MED13L: variants seen among roughly 807,000 people sequenced by gnomAD.
The protein encoded by MED13L is mediator complex subunit 13L.
In MED13L, 7 loss-of-function variants were observed where a neutral mutation model predicts 220.9. The ratio of observed to expected loss-of-function variants is 0.03; its 90% CI spans 0.02 to 0.06. The LOEUF (loss-of-function observed/expected upper bound fraction) is 0.06, where lower values mean the gene tolerates loss of function less well. Ranked by LOEUF, MED13L falls within the 10% of genes least tolerant of loss-of-function variation. The pLI is 1.00. For synonymous variants in MED13L, 1,011 were observed against 1,015.2 expected (o/e 1.00, Z 0.08); for missense variants, 1,965 against 2,760.5 (o/e 0.71, Z 6.46).
intron 2 of MED13L, among the ~76,000 whole-genome samples, chr12:116,149,252 A>AT (rs1877837551): frequency 6.6e-6 from 1 of 152,052 alleles, no homozygotes; most frequent in Non-Finnish European, 1.5e-5. Context: ...AACTTCTCAT[A>AT]TTTTGTCATG....
At chr12:116,135,059 C>T (rs1186541883) in intron 2 of MED13L, among the ~76,000 whole-genome samples, 2 of 152,146 alleles carry the variant, frequency 1.3e-5, no homozygotes, top group Admixed American at 6.5e-5. Context: ...GCCCCAGCTA[C>T]TAGGGAGGCT....
intron 2 of MED13L, among the ~76,000 whole-genome samples, chr12:116,137,824 G>C (rs1408501908): frequency 1.4e-5 from 2 of 145,238 alleles, no homozygotes; most frequent in East Asian, 4.0e-4. Flanking sequence ...ATAAATGCTT[G>C]TTACTTTTAT....
chr12:116,260,427 C>T (rs531654709), intron 1 of MED13L, among the ~76,000 whole-genome samples: 2 of 152,050 alleles, frequency 1.3e-5, no homozygotes, highest in African/African-American at 2.4e-5. Context: ...CTCCTGAACA[C>T]GAGGAACCCA....
At chr12:116,242,824 T>C (rs555660006) in intron 1 of MED13L, among the ~76,000 whole-genome samples, 4 of 152,204 alleles carry the variant, frequency 2.6e-5, no homozygotes, top group Non-Finnish European at 4.4e-5. Flanking sequence ...AGATTTAAGC[T>C]GTAACTGAAT....
intron 1 of MED13L, among the ~76,000 whole-genome samples, chr12:116,239,292 T>C (rs1013015261): frequency 6.6e-6 from 1 of 152,194 alleles, no homozygotes; most frequent in African/African-American, 2.4e-5. Context: ...ACTGGCATCA[T>C]TTAGGGTTTC....
At chr12:116,261,270 CG>C (rs1872493813) in intron 1 of MED13L, among the ~76,000 whole-genome samples, 1 of 152,048 alleles carries the variant, frequency 6.6e-6, no homozygotes, top group East Asian at 1.9e-4. Context: ...CCAAGGCAAG[CG>C]GATCACTTCA....
At chr12:116,032,875 TGACA>T (rs1313292523) in intron 4 of MED13L, among the ~76,000 whole-genome samples, 1 of 150,852 alleles carries the variant, frequency 6.6e-6, no homozygotes, top group Non-Finnish European at 1.5e-5. Flanking sequence ...AGGCTGAGAG[TGACA>T]GGAAGGAGGA....
intron 3 of MED13L, among the ~76,000 whole-genome samples, chr12:116,103,511 T>C (rs1319133380): frequency 6.6e-6 from 1 of 151,564 alleles, no homozygotes. Context: ...GGTCTCAAAC[T>C]CCTGGCCTCA....
chr12:115,987,101 G>C lies in MED13L; in HGVS notation c.4114+8C>G, dbSNP rs370491568. ...CAGAAGGAATTTTAAACAGGACAAA[G>C]ACCCTACCGTAGGTTCCCCGTCCTG... On this transcript the variant is annotated splice_region_variant and intron_variant, in intron 18 of 30. Transcript: ENST00000281928. The C allele has an allele frequency of 1.2e-4, 188 of 1,613,824 alleles. No homozygotes were observed. Among genetic ancestry groups the C allele is most frequent in the Non-Finnish European group, 1.4e-4 (171 of 1,179,864 alleles).
intron 2 of MED13L, among the ~76,000 whole-genome samples, chr12:116,162,481 T>C (rs1475168854): frequency 6.6e-6 from 1 of 152,194 alleles, no homozygotes; most frequent in Non-Finnish European, 1.5e-5. Context: ...GGGTTAAGGA[T>C]TGGTAAGCCT....
chr12:116,230,100 T>C (rs1869406769), intron 2 of MED13L, among the ~76,000 whole-genome samples: 1 of 152,122 alleles, frequency 6.6e-6, no homozygotes, highest in Non-Finnish European at 1.5e-5. Flanking sequence ...CACAAAATAA[T>C]GACAAATATG....
At chr12:116,104,307 C>A (rs1873362169) in intron 3 of MED13L, among the ~76,000 whole-genome samples, 3 of 152,010 alleles carry the variant, frequency 2.0e-5, no homozygotes, top group Admixed American at 2.0e-4. Context: ...ATGTGTCCGG[C>A]CTCATTTGCC....
chr12:116,042,745 G>A lies in MED13L; in HGVS notation c.480-20144C>T, dbSNP rs183989373. On this transcript the variant is annotated intron_variant, in intron 4 of 30. Transcript: ENST00000281928. ...ACACACATTTCTTCTCCCTGGAAAG[G>A]ACAGATGAGGCTGATAGCGTAAAAA... Among the ~76,000 whole-genome samples, 4 of 152,218 alleles carry A rather than the reference G, an allele frequency of 2.6e-5. No individual in the cohort carries two copies. The East Asian group carries it at 7.7e-4, about 29-fold the overall frequency.
chr12:115,986,762 C>G (rs1473336556), intron 18 of MED13L, among the ~76,000 whole-genome samples: 1 of 152,154 alleles, frequency 6.6e-6, no homozygotes, highest in Non-Finnish European at 1.5e-5. Flanking sequence ...AGCACTACAT[C>G]ATTTCCTTCA....
At chr12:116,250,194 G>C (rs1274644145) in intron 1 of MED13L, among the ~76,000 whole-genome samples, 1 of 151,628 alleles carries the variant, frequency 6.6e-6, no homozygotes, top group Non-Finnish European at 1.5e-5. Flanking sequence ...AAAATATGCA[G>C]GCCAAAAACA....
At chr12:116,145,659 C>CTATTTATT (rs558385895) in intron 2 of MED13L, among the ~76,000 whole-genome samples, 1,972 of 123,582 alleles carry the variant, frequency 0.016, 27 homozygotes, top group Middle Eastern at 0.055. Context: ...ACACTCAACT[C>CTATTTATT]TATTTATTTA....
chr12:116,271,303 A>C (rs1873318939), intron 1 of MED13L, among the ~76,000 whole-genome samples: 1 of 151,952 alleles, frequency 6.6e-6, no homozygotes, highest in Non-Finnish European at 1.5e-5. Context: ...AATTTCTTAA[A>C]ATAGAAATGT....
chr12:116,100,122 C>G (rs1020343126), intron 3 of MED13L, among the ~76,000 whole-genome samples: 3 of 152,104 alleles, frequency 2.0e-5, no homozygotes, highest in Non-Finnish European at 4.4e-5. Flanking sequence ...CACACACAGT[C>G]CCTCCAAGAT....
At position 116,007,645 on chromosome 12, in the gene MED13L, C is replaced by CAAAAAAAA. The variant is rs542425590; in HGVS notation, c.2013-17_2013-10dup. Reference sequence around the variant, plus strand: ...TAGGTTGTGCTAAGAGTCTAAAAGACAAAAAAAAAAAAAAAAAAAAGAGCA... The same window carrying CAAAAAAAA: ...TAGGTTGTGCTAAGAGTCTAAAAGACAAAAAAAAAAAAAAAAAAAAAAAAAAAAGAGCA... On this transcript the variant is annotated splice_polypyrimidine_tract_variant and intron_variant, in intron 10 of 30. Transcript: ENST00000281928. The CAAAAAAAA allele has an allele frequency of 2.3e-3, 1,713 of 759,016 alleles. 20 individuals are homozygous for CAAAAAAAA. Among genetic ancestry groups the CAAAAAAAA allele is most frequent in the South Asian group, 5.1e-3 (213 of 41,382 alleles). 47.0% of individuals were successfully genotyped at this position (759,016 alleles called of 1,614,324 possible).
Sources: gnomAD v4.1 joint callset for allele counts (sites outside exome capture counted in the v4.1 genomes callset) on GRCh38, gnomAD v4.1.1 for gene constraint, MANE v1.5 for transcripts, NCBI Gene and HGNC (gene_info 2026-07-23, HGNC 2026-07-21) for gene names.